Variants in COLGALT2 observed in about 807,000 individuals in gnomAD.
COLGALT2 encodes collagen beta(1-O)galactosyltransferase 2.
A neutral mutation model predicts 73.4 loss-of-function variants in COLGALT2; 49 were observed. That is an observed-to-expected ratio of 0.67 (90% CI 0.53 to 0.85). COLGALT2 has a LOEUF of 0.85. Ranked by LOEUF, COLGALT2 falls within the 40% of genes least tolerant of loss-of-function variation. The probability of loss-of-function intolerance (pLI) is 0.00; values close to 1 mark genes in which losing one functional copy is unlikely to be tolerated. For missense variants in COLGALT2, 722 were observed against 790.2 expected (o/e 0.91, Z 1.03); for synonymous variants, 295 against 307.6 (o/e 0.96, Z 0.43).
chr1:183,969,796 A>C (rs1320076177), intron 4 of COLGALT2, among the ~76,000 whole-genome samples: 1 of 152,256 alleles, frequency 6.6e-6, no homozygotes, highest in African/African-American at 2.4e-5. Context: ...GAAGTGGCAG[A>C]GCAGTTAAGG....
chr1:184,027,395 G>A (rs16822348), intron 1 of COLGALT2, among the ~76,000 whole-genome samples: 3,495 of 152,224 alleles, frequency 0.023, 112 homozygotes, highest in African/African-American at 0.074. Context: ...CAATTCCTAG[G>A]ACCCCGCTGT....
At chr1:184,013,043 G>A (rs545786583) in intron 1 of COLGALT2, among the ~76,000 whole-genome samples, 48 of 152,326 alleles carry the variant, frequency 3.2e-4, no homozygotes, top group African/African-American at 9.1e-4. Context: ...GGCCAGGTGC[G>A]GTGGCTCACG....
intron 8 of COLGALT2, among the ~76,000 whole-genome samples, chr1:183,948,942 G>T (rs543926706): frequency 5.3e-5 from 8 of 152,090 alleles, no homozygotes; most frequent in Non-Finnish European, 1.0e-4. Context: ...ATTTAGCAAT[G>T]AACAATCTGA....
intron 1 of COLGALT2, among the ~76,000 whole-genome samples, chr1:183,999,986 G>A (rs1926882): frequency 0.33 from 49,403 of 151,600 alleles, 11,095 homozygotes; most frequent in African/African-American, 0.64. Flanking sequence ...TTTTTTACCC[G>A]CAAATGTCTT....
At chr1:183,987,341 GATGT>G (rs1671516401) in intron 1 of COLGALT2, among the ~76,000 whole-genome samples, 1 of 151,910 alleles carries the variant, frequency 6.6e-6, no homozygotes, top group African/African-American at 2.4e-5. Flanking sequence ...TTATTTTGTG[GATGT>G]ACCCTGAAGA....
At chr1:183,971,267 C>T (rs2102814065) in intron 4 of COLGALT2, among the ~76,000 whole-genome samples, 1 of 152,208 alleles carries the variant, frequency 6.6e-6, no homozygotes, top group South Asian at 2.1e-4. Flanking sequence ...AGTCACTGGC[C>T]CTTTCTATTC....
chr1:183,941,636 T>A (rs1024681418), intron 10 of COLGALT2, among the ~76,000 whole-genome samples: 2 of 152,218 alleles, frequency 1.3e-5, no homozygotes, highest in East Asian at 3.9e-4. Context: ...ACAATCTCTT[T>A]CAACATTCAA....
intron 5 of COLGALT2, among the ~76,000 whole-genome samples, chr1:183,964,707 T>C (rs952254569): frequency 2.6e-5 from 4 of 152,196 alleles, no homozygotes; most frequent in Non-Finnish European, 5.9e-5. Context: ...ATTCAAATTG[T>C]TCTTCATAGC....
chr1:184,014,406 C>T (rs1333672110), intron 1 of COLGALT2, among the ~76,000 whole-genome samples: 1 of 152,156 alleles, frequency 6.6e-6, no homozygotes. Context: ...GTCAAAGTGA[C>T]ACTGGATTTA....
At chr1:183,985,202 G>T (rs745714548) in intron 1 of COLGALT2, among the ~76,000 whole-genome samples, 3 of 152,170 alleles carry the variant, frequency 2.0e-5, no homozygotes, top group Non-Finnish European at 4.4e-5. Context: ...GGGGCCACTG[G>T]AATCATATTA....
rs557425713 is a variant in COLGALT2 at position 183,953,298 on chromosome 1, T to G, written c.1029+1464A>C. On this transcript the variant is annotated intron_variant, in intron 7 of 11. Transcript: ENST00000361927. ...TTTCTACCATGCTATCTCTGTTCCATACGGAGAGGTGACTAACCTCAGACT... is the reference window on the plus strand; with the variant it reads ...TTTCTACCATGCTATCTCTGTTCCAGACGGAGAGGTGACTAACCTCAGACT... Among the ~76,000 whole-genome samples the G allele has an allele frequency of 3.9e-5, 6 of 152,238 alleles. No homozygotes were observed. In the South Asian group the frequency reaches 1.2e-3, roughly 32 times the overall value.
chr1:183,954,669 G>T, intron 7 of COLGALT2, 93 bp downstream of exon 7: 2 of 947,212 alleles, frequency 2.1e-6, no homozygotes, highest in Non-Finnish European at 3.3e-6. Flanking sequence ...AGTCTTGCTG[G>T]CTCTCAGATG....
chr1:183,993,048 G>A (rs935171882), intron 1 of COLGALT2, among the ~76,000 whole-genome samples: 1 of 152,138 alleles, frequency 6.6e-6, no homozygotes, highest in African/African-American at 2.4e-5. Flanking sequence ...TGAATAACTA[G>A]ATGCAAAAAT....
intron 6 of COLGALT2, among the ~76,000 whole-genome samples, chr1:183,956,457 A>G (rs1187687987): frequency 2.0e-5 from 3 of 152,180 alleles, no homozygotes. Context: ...TTTAAAATCA[A>G]TAGGGAGGGT....
chr1:184,007,923 A>AC (rs1446036549), intron 1 of COLGALT2, among the ~76,000 whole-genome samples: 1 of 151,930 alleles, frequency 6.6e-6, no homozygotes, highest in Non-Finnish European at 1.5e-5. Context: ...AATATTCATC[A>AC]CCCCCCATTA....
chr1:183,965,272 A>G (rs937748683), intron 5 of COLGALT2, among the ~76,000 whole-genome samples: 5 of 152,188 alleles, frequency 3.3e-5, no homozygotes, highest in Admixed American at 2.6e-4. Flanking sequence ...TTAAAGTTGC[A>G]TCTCTACCCT....
chr1:184,023,985 A>C (rs1272023835), intron 1 of COLGALT2, among the ~76,000 whole-genome samples: 1 of 152,210 alleles, frequency 6.6e-6, no homozygotes, highest in Non-Finnish European at 1.5e-5. Context: ...TCTAATCACC[A>C]AGGATTTGAG....
rs749267395 is a variant in COLGALT2, at chr1:183,975,125, G to A, written c.464C>T (p.Ala155Val). 135 of 1,613,416 alleles carry A rather than the reference G, an allele frequency of 8.4e-5. No homozygotes were observed. Among genetic ancestry groups the A allele is most frequent in the Admixed American group, 2.8e-4 (17 of 59,964 alleles). ...MKLRQAALRT[A>V]REKWSDYILF... ...AATGTAGTCTGACCATTTTTCCCTCGCAGTTCGAAGGGCTGCCTGTCGTAG... is the reference window on the plus strand; with the variant it reads ...AATGTAGTCTGACCATTTTTCCCTCACAGTTCGAAGGGCTGCCTGTCGTAG... The change falls in exon 3 of 12, where the codon GCG (alanine) becomes GTG (valine). Residue 155 changes from alanine to valine, a missense_variant. Physicochemically the swap from Ala to Val is moderately conservative, Grantham distance 64 (BLOSUM62 0). Transcript: ENST00000361927.
intron 1 of COLGALT2, among the ~76,000 whole-genome samples, chr1:183,982,794 C>T (rs12028482): frequency 0.2 from 30,779 of 151,848 alleles, 3,379 homozygotes; most frequent in East Asian, 0.41. Flanking sequence ...ATAGTGAGAC[C>T]CCATCTCTTA....
Sources: gnomAD v4.1 joint callset for allele counts (sites outside exome capture counted in the v4.1 genomes callset) on GRCh38, gnomAD v4.1.1 for gene constraint, MANE v1.5 for transcripts, NCBI Gene and HGNC (gene_info 2026-07-23, HGNC 2026-07-21) for gene names.